The following ATRNL1 variants were observed in gnomAD, a reference collection of about 807,000 sequenced individuals.
ATRNL1 encodes attractin-like protein 1.
A neutral mutation model predicts 182.7 loss-of-function variants in ATRNL1; 95 were observed. That is an observed-to-expected ratio of 0.52 (90% CI 0.44 to 0.62). The LOEUF (loss-of-function observed/expected upper bound fraction) is 0.62. ATRNL1 is among the 20% of genes least tolerant of loss of function. The probability of loss-of-function intolerance (pLI) is 0.00; values close to 1 mark genes in which losing one functional copy is unlikely to be tolerated. For synonymous variants in ATRNL1, 576 were observed against 568.3 expected, an observed-to-expected ratio of 1.01 and a Z score of -0.19; for missense variants, 1,471 against 1,679.5, an observed-to-expected ratio of 0.88 and a Z score of 2.17.
chr10:115,409,325 TC>T (rs1554959230), intron 20 of ATRNL1, among the ~76,000 whole-genome samples: 1 of 152,202 alleles, frequency 6.6e-6, no homozygotes, highest in African/African-American at 2.4e-5. Flanking sequence ...TGTTAGTTAT[TC>T]TAGATGAGAT....
intron 28 of ATRNL1, among the ~76,000 whole-genome samples, chr10:115,943,128 G>A (rs1163536105): frequency 2.0e-5 from 3 of 152,190 alleles, no homozygotes; most frequent in Non-Finnish European, 4.4e-5. Context: ...ACGCTTGTCA[G>A]CTAAATGTCA....
intron 28 of ATRNL1, among the ~76,000 whole-genome samples, 191 bp downstream of exon 28, chr10:115,848,182 C>T (rs1950973550): frequency 6.6e-6 from 1 of 152,136 alleles, no homozygotes; most frequent in Non-Finnish European, 1.5e-5. Flanking sequence ...GTAGATTTCC[C>T]AGTGTTTCTC....
At chr10:115,875,890 G>A (rs1951688890) in intron 28 of ATRNL1, among the ~76,000 whole-genome samples, 1 of 152,204 alleles carries the variant, frequency 6.6e-6, no homozygotes, top group Admixed American at 6.5e-5. Flanking sequence ...CAAAAATGGT[G>A]TTCCTGAGTA....
chr10:115,396,024 C>G (rs1844272404), intron 20 of ATRNL1, among the ~76,000 whole-genome samples: 1 of 151,610 alleles, frequency 6.6e-6, no homozygotes, highest in African/African-American at 2.4e-5. Context: ...TACCTAAAGT[C>G]TATTAAGCAT....
intron 27 of ATRNL1, among the ~76,000 whole-genome samples, chr10:115,785,841 A>G (rs1284927455): frequency 6.6e-6 from 1 of 152,116 alleles, no homozygotes; most frequent in Non-Finnish European, 1.5e-5. Flanking sequence ...TTGCTTTGAA[A>G]TCTCCTTAGC....
intron 27 of ATRNL1, among the ~76,000 whole-genome samples, chr10:115,771,998 C>G (rs1949005276): frequency 6.6e-6 from 1 of 152,166 alleles, no homozygotes; most frequent in African/African-American, 2.4e-5. Flanking sequence ...CTAGTGTTGA[C>G]TGAACATATT....
At chr10:115,879,305 C>CAAAAAAAAAAAAAAAAAAAAAAA (rs140716871) in intron 28 of ATRNL1, among the ~76,000 whole-genome samples, 3 of 108,026 alleles carry the variant, frequency 2.8e-5, no homozygotes, top group Non-Finnish European at 5.5e-5. Context: ...CTCTCTATCT[C>CAAAAAAAAAAAAAAAAAAAAAAA]AAAAAAAAAA....
chr10:115,537,820 C>T (rs1852125641), intron 25 of ATRNL1, among the ~76,000 whole-genome samples: 1 of 152,090 alleles, frequency 6.6e-6, no homozygotes, highest in South Asian at 2.1e-4. Flanking sequence ...ATTACCAGCT[C>T]TCCCAGGATA....
At chr10:115,779,506 G>C (rs1034202218) in intron 27 of ATRNL1, among the ~76,000 whole-genome samples, 1 of 152,192 alleles carries the variant, frequency 6.6e-6, no homozygotes, top group Non-Finnish European at 1.5e-5. Context: ...AATACTCAAT[G>C]TGCACAATCA....
intron 18 of ATRNL1, among the ~76,000 whole-genome samples, chr10:115,319,683 G>A (rs1162878058): frequency 2.7e-5 from 4 of 147,678 alleles, no homozygotes; most frequent in African/African-American, 9.9e-5. Flanking sequence ...TTTAAAGTCT[G>A]TTTGTCAGAG....
chr10:115,536,229 A>G (rs7917381), intron 25 of ATRNL1, among the ~76,000 whole-genome samples: 106,300 of 151,830 alleles, frequency 0.7, 38,310 homozygotes, highest in African/African-American at 0.79. Flanking sequence ...GCCTACAGAG[A>G]CAGGCAGACC....
intron 27 of ATRNL1, among the ~76,000 whole-genome samples, chr10:115,813,901 G>A (rs891459269): frequency 4.1e-4 from 63 of 152,024 alleles, no homozygotes; most frequent in African/African-American, 1.5e-3. Flanking sequence ...AGATCATCTT[G>A]TACCTACAAA....
intron 19 of ATRNL1, among the ~76,000 whole-genome samples, chr10:115,374,645 G>A (rs963913458): frequency 4.0e-5 from 6 of 150,936 alleles, no homozygotes; most frequent in Non-Finnish European, 8.9e-5. Context: ...TATTAGTATT[G>A]TTTTGTTCAA....
At chr10:115,568,722 A>G (rs1854211588) in intron 26 of ATRNL1, among the ~76,000 whole-genome samples, 1 of 151,958 alleles carries the variant, frequency 6.6e-6, no homozygotes, top group Admixed American at 6.6e-5. Flanking sequence ...AATTTAATTT[A>G]ATTTTTAAAA....
At chr10:115,703,734 A>G (rs1320388642) in intron 26 of ATRNL1, among the ~76,000 whole-genome samples, 1 of 151,858 alleles carries the variant, frequency 6.6e-6, no homozygotes, top group Non-Finnish European at 1.5e-5. Context: ...TAAAACAAAC[A>G]TATTAAAGAA....
chr10:115,293,299 A>C (rs562738925), intron 15 of ATRNL1, among the ~76,000 whole-genome samples: 52 of 152,230 alleles, frequency 3.4e-4, no homozygotes, highest in African/African-American at 1.2e-3. Flanking sequence ...TTTTTTAAAA[A>C]ATACCCTCAG....
intron 28 of ATRNL1, among the ~76,000 whole-genome samples, chr10:115,878,527 T>C (rs1287774364): frequency 6.6e-6 from 1 of 152,184 alleles, no homozygotes; most frequent in Non-Finnish European, 1.5e-5. Context: ...GCATCTCTAG[T>C]CTGGGTAGAT....
intron 19 of ATRNL1, among the ~76,000 whole-genome samples, chr10:115,345,499 A>G (rs1309178078): frequency 2.0e-5 from 3 of 152,164 alleles, no homozygotes; most frequent in Admixed American, 1.3e-4. Context: ...GATGTTGGCA[A>G]TTGGAGAATT....
rs1289747557 is a variant in ATRNL1, at chr10:115,171,119, G to C, written c.1175G>C (p.Ser392Thr). 1.2e-6 allele frequency: 2 copies of C among 1,605,656 alleles called. No homozygotes were observed. The highest frequency in any genetic ancestry group is 1.7e-6 in the Non-Finnish European group (2 of 1,174,914). ...TDELWVFNIH[S>T]QSWSTKTPTV... The stretch of plus-strand genomic sequence containing the variant: ...GAATTATGGGTTTTTAACATACATA[G>C]TCAGTCATGGAGTACAAAAACTCCT... The change falls in exon 8 of 29, where the codon AGT (serine) becomes ACT (threonine). Residue 392 changes from serine (S) to threonine (T), a missense_variant. Around this residue, in one of 3 missense-constraint regions of ATRNL1, gnomAD observed 1,031 missense variants for 1,156.0 expected, o/e 0.89. Coordinates refer to ENST00000355044, the MANE Select transcript of ATRNL1 (RefSeq NM_207303.4).
Sources: allele counts gnomAD v4.1 joint callset (sites outside exome capture counted in the v4.1 genomes callset), GRCh38; gene constraint gnomAD v4.1.1; regional missense constraint gnomAD v4.1.1; transcripts MANE v1.5; gene names NCBI Gene and HGNC (gene_info 2026-07-23, HGNC 2026-07-21).